Variants in ERCC6L2 observed in about 807,000 individuals in gnomAD.
The protein encoded by ERCC6L2 is ERCC excision repair 6 like 2, also known as DNA excision repair protein ERCC-6-like 2.
In ERCC6L2, 77 loss-of-function variants were observed where a neutral mutation model predicts 132.0. The observed-to-expected ratio is 0.58, with a 90% confidence interval of 0.49 to 0.71. The LOEUF is 0.71. Among genes scored for constraint, ERCC6L2 ranks in the 30% least tolerant of loss-of-function variants. The probability of loss-of-function intolerance (pLI) is 0.00; values close to 1 mark genes in which losing one functional copy is unlikely to be tolerated. For missense variants in ERCC6L2, 1,542 were observed against 1,837.6 expected (o/e 0.84, Z 2.94); for synonymous variants, 583 against 632.4 (o/e 0.92, Z 1.17).
At chr9:95,953,291 A>G (rs1016433022) in intron 12 of ERCC6L2, among the ~76,000 whole-genome samples, 8 of 152,110 alleles carry the variant, frequency 5.3e-5, no homozygotes, top group African/African-American at 1.4e-4. Context: ...AGAAACAACA[A>G]TGAGGCCGGT....
intron 13 of ERCC6L2, among the ~76,000 whole-genome samples, chr9:95,961,165 GA>G (rs1286996693): frequency 6.6e-6 from 1 of 152,106 alleles, no homozygotes; most frequent in African/African-American, 2.4e-5. Flanking sequence ...TGGTACCTGT[GA>G]ATGTGATCTT....
intron 6 of ERCC6L2, chr9:95,918,063 G>T: frequency 5.0e-6 from 1 of 198,988 alleles, no homozygotes; most frequent in Non-Finnish European, 1.0e-5. Flanking sequence ...CATCAGGAGG[G>T]GGCAGGCTGG....
chr9:95,927,823 A>C (rs548982667), intron 9 of ERCC6L2, among the ~76,000 whole-genome samples: 3 of 152,316 alleles, frequency 2.0e-5, no homozygotes, highest in African/African-American at 7.2e-5. Flanking sequence ...CTTCCTTTTT[A>C]TTAAAACCAG....
chr9:95,889,770 GAA>G (rs1828063228), intron 2 of ERCC6L2, among the ~76,000 whole-genome samples: 1 of 152,002 alleles, frequency 6.6e-6, no homozygotes, highest in Non-Finnish European at 1.5e-5. Context: ...CACCATCAAG[GAA>G]TTCAGTAAAT....
intron 12 of ERCC6L2, among the ~76,000 whole-genome samples, chr9:95,946,664 G>A (rs865831451): frequency 6.6e-6 from 1 of 152,080 alleles, no homozygotes; most frequent in Non-Finnish European, 1.5e-5. Context: ...TCACTTTATT[G>A]TGCTTCACAG....
chr9:95,965,484 T>C (rs959778353), intron 13 of ERCC6L2, among the ~76,000 whole-genome samples: 3 of 152,118 alleles, frequency 2.0e-5, no homozygotes, highest in Non-Finnish European at 4.4e-5. Flanking sequence ...GCAAATGAAC[T>C]CTGATGATAA....
intron 2 of ERCC6L2, 74 bp from the exon 3 acceptor site, chr9:95,897,775 A>T: frequency 7.0e-7 from 1 of 1,419,640 alleles, no homozygotes; most frequent in Non-Finnish European, 9.7e-7. Flanking sequence ...CTAATTGAAT[A>T]GTCATGTAAG....
intron 17 of ERCC6L2, among the ~76,000 whole-genome samples, chr9:96,002,304 A>G (rs1205004874): frequency 6.6e-6 from 1 of 152,134 alleles, no homozygotes; most frequent in African/African-American, 2.4e-5. Context: ...TGGGTATAGA[A>G]TTCTAGGTTG....
intron 19 of ERCC6L2, among the ~76,000 whole-genome samples, chr9:96,029,336 T>TAAAAAA (rs1834425931): frequency 7.0e-6 from 1 of 142,448 alleles, no homozygotes; most frequent in Admixed American, 7.1e-5. Flanking sequence ...AAAAAAAAAT[T>TAAAAAA]AGGATGGTAC....
At chr9:95,974,627 G>A (rs1270940590) in intron 16 of ERCC6L2, among the ~76,000 whole-genome samples, 1 of 152,090 alleles carries the variant, frequency 6.6e-6, no homozygotes, top group African/African-American at 2.4e-5. Context: ...TTCTTTTAGA[G>A]AGAAAGTGTG....
chr9:95,971,960 A>G lies in ERCC6L2; in HGVS notation c.2209A>G (p.Arg737Gly). 1 of 1,302,700 alleles carries G rather than the reference A, an allele frequency of 7.7e-7. No individual in the cohort carries two copies. Among genetic ancestry groups the G allele is most frequent in the Non-Finnish European group, 1.0e-6 (1 of 988,096 alleles). The allele number at this position is 1,302,700 out of a possible 1,614,324, so 80.7% of individuals were successfully genotyped here. A position where few individuals can be genotyped will look rare whatever the true frequency, so the allele number is the denominator to read the frequency against. ...TAGACAGCCTGACTGTCAGGAATGC[A>G]GAGGTACAGAACAAGCTGCAGAGCC... The part of the protein sequence containing the change: ...MPRQPDCQEC[R>G]GTEQAAEPLA... The change falls in exon 16 of 19, where the codon AGA (arginine) becomes GGA (glycine). Residue 737 changes from arginine to glycine, a missense_variant. This residue lies in a region of ERCC6L2 where 945 missense variants were observed against 1,105.2 expected (regional missense o/e 0.86). Coordinates refer to ENST00000653738, the MANE Select transcript of ERCC6L2 (RefSeq NM_020207.7).
At chr9:96,012,203 G>A (rs549777577) in intron 18 of ERCC6L2, 22 bp from the exon 19 acceptor site, 1 of 1,210,792 alleles carries the variant, frequency 8.3e-7, no homozygotes, top group Admixed American at 3.4e-5. Context: ...ATAACCACTA[G>A]TTTTGTTCAT....
rs893900923 is a variant in ERCC6L2 at position 96,001,770 on chromosome 9, G to T, written c.3493-2750G>T. Among the ~76,000 whole-genome samples the T allele has an allele frequency of 4.6e-5, 7 of 152,266 alleles. No homozygotes were observed. The East Asian group carries it at 9.6e-4, about 21-fold the overall frequency. ...GGGACTGGGCGCCGTGGAGCAGGGGGTGGCGCTCGTCGGGGAGGCTTGGGC... is the reference window on the plus strand; with the variant it reads ...GGGACTGGGCGCCGTGGAGCAGGGGTTGGCGCTCGTCGGGGAGGCTTGGGC... On this transcript the variant is annotated intron_variant, in intron 17 of 18. Coordinates refer to ENST00000653738, the MANE Select transcript of ERCC6L2 (RefSeq NM_020207.7).
At chr9:96,011,820 G>A (rs182325745) in intron 18 of ERCC6L2, among the ~76,000 whole-genome samples, 4 of 152,254 alleles carry the variant, frequency 2.6e-5, no homozygotes, top group Admixed American at 6.5e-5. Flanking sequence ...TGCTCTTTTC[G>A]TTAAGATTCT....
chr9:96,005,926 T>G (rs1179075164), intron 18 of ERCC6L2, among the ~76,000 whole-genome samples: 2 of 152,136 alleles, frequency 1.3e-5, no homozygotes, highest in Non-Finnish European at 2.9e-5. Context: ...GATGGACTGG[T>G]TCGGGAAAGA....
chr9:96,026,850 CCACA>C (rs1168839389), intron 19 of ERCC6L2, among the ~76,000 whole-genome samples: 22 of 148,268 alleles, frequency 1.5e-4, no homozygotes, highest in African/African-American at 3.5e-4. Flanking sequence ...ACGCCCCACA[CCACA>C]CAAACACACC....
chr9:95,948,665 T>C (rs142459261), intron 12 of ERCC6L2, among the ~76,000 whole-genome samples: 2,262 of 151,946 alleles, frequency 0.015, 33 homozygotes, highest in Non-Finnish European at 0.023. Context: ...CTTCACCCCA[T>C]GTTGTTCCCA....
chr9:95,939,700 G>T (rs1587942102), intron 11 of ERCC6L2, among the ~76,000 whole-genome samples: 1 of 151,568 alleles, frequency 6.6e-6, no homozygotes, highest in African/African-American at 2.4e-5. Flanking sequence ...CAATTTTTTT[G>T]TTTGTTTCAA....
At chr9:95,915,477 G>A (rs942028826) in intron 4 of ERCC6L2, among the ~76,000 whole-genome samples, 191 bp from the exon 5 acceptor site, 3 of 151,458 alleles carry the variant, frequency 2.0e-5, no homozygotes, top group Admixed American at 6.6e-5. Context: ...TCTTTTCTAC[G>A]CATTTTATTT....
Sources: allele counts gnomAD v4.1 joint callset (sites outside exome capture counted in the v4.1 genomes callset), GRCh38; gene constraint gnomAD v4.1.1; regional missense constraint gnomAD v4.1.1; transcripts MANE v1.5; gene names NCBI Gene and HGNC (gene_info 2026-07-23, HGNC 2026-07-21).